The following ANGPT1 variants were observed in gnomAD, a reference collection of about 807,000 sequenced individuals.
ANGPT1 encodes angiopoietin-1.
A neutral mutation model predicts 62.2 loss-of-function variants in ANGPT1; 17 were observed. That is an observed-to-expected ratio of 0.27 (90% CI 0.19 to 0.41). The LOEUF is 0.41. Among genes scored for constraint, ANGPT1 ranks in the 10% least tolerant of loss-of-function variants. ANGPT1 has a pLI of 1.00. For synonymous variants in ANGPT1, 199 were observed against 198.9 expected, an observed-to-expected ratio of 1.00 and a Z score of 0.00; for missense variants, 478 against 594.9, an observed-to-expected ratio of 0.80 and a Z score of 2.04.
In ANGPT1 at chr8:107,264,218, T is replaced by C. The variant is rs900850123; in HGVS notation, c.1336+3A>G. 3.7e-6 allele frequency: 6 copies of C among 1,612,926 alleles called. No homozygotes were observed. The highest frequency in any genetic ancestry group is 3.3e-5 in the Admixed American group (2 of 59,868). ...GCTTAGAGAATGGCCCCATAGGACT[T>C]ACCTCCTGTTAACATGAGGGCACAT... On this transcript the variant is annotated splice_donor_region_variant and intron_variant, in intron 8 of 8. Transcript: ENST00000517746.
At chr8:107,465,150 T>C (rs1254041522) in intron 1 of ANGPT1, among the ~76,000 whole-genome samples, 1 of 152,096 alleles carries the variant, frequency 6.6e-6, no homozygotes, top group Non-Finnish European at 1.5e-5. Flanking sequence ...TGTATAAATA[T>C]ACAGAAGTAA....
At chr8:107,253,732 T>C (rs1388048639) in intron 8 of ANGPT1, among the ~76,000 whole-genome samples, 1 of 152,132 alleles carries the variant, frequency 6.6e-6, no homozygotes, top group African/African-American at 2.4e-5. Context: ...AAGACAGACG[T>C]CTGTTGCAAC....
At chr8:107,298,769 A>G (rs1212420346) in intron 5 of ANGPT1, among the ~76,000 whole-genome samples, 1 of 151,668 alleles carries the variant, frequency 6.6e-6, no homozygotes, top group Admixed American at 6.6e-5. Flanking sequence ...TAATAACCCT[A>G]GTTTATTTTT....
At chr8:107,407,719 T>C (rs1206688226) in intron 1 of ANGPT1, among the ~76,000 whole-genome samples, 1 of 152,198 alleles carries the variant, frequency 6.6e-6, no homozygotes. Flanking sequence ...TGTTTTTCTT[T>C]CCTCTCCCTC....
chr8:107,311,990 G>A (rs1442523706), intron 4 of ANGPT1, among the ~76,000 whole-genome samples: 2 of 151,710 alleles, frequency 1.3e-5, no homozygotes, highest in African/African-American at 2.4e-5. Context: ...AGTGAACCTG[G>A]GAGGCGGAGC....
intron 1 of ANGPT1, among the ~76,000 whole-genome samples, chr8:107,393,294 G>T (rs930023946): frequency 6.6e-6 from 1 of 152,108 alleles, no homozygotes; most frequent in Non-Finnish European, 1.5e-5. Context: ...GGCTTGAGAG[G>T]GGGAGAGGGG....
intron 5 of ANGPT1, among the ~76,000 whole-genome samples, chr8:107,297,867 A>T (rs1159815963): frequency 6.6e-6 from 1 of 151,656 alleles, no homozygotes. Flanking sequence ...AAAAAAAAAT[A>T]AAAGCCTATG....
intron 5 of ANGPT1, among the ~76,000 whole-genome samples, chr8:107,301,059 T>C (rs1319821001): frequency 3.3e-5 from 5 of 151,860 alleles, no homozygotes; most frequent in Non-Finnish European, 7.4e-5. Flanking sequence ...AGAGTGTAGT[T>C]GTGGTTATAT....
At chr8:107,385,785 A>G (rs1303166741) in intron 1 of ANGPT1, among the ~76,000 whole-genome samples, 1 of 151,926 alleles carries the variant, frequency 6.6e-6, no homozygotes, top group African/African-American at 2.4e-5. Context: ...ATGGCTTTTA[A>G]TATTTTAAGG....
At position 107,336,196 on chromosome 8, in the gene ANGPT1, G is replaced by T. The variant is rs1244538642; in HGVS notation, c.529C>A (p.Leu177Ile). Reference sequence around the variant, plus strand: ...AAGATTTCATTTGTCTGTTGAAGAAGTTGCTTCTCTAGCTTGTAGGTGGAT... The same window carrying T: ...AAGATTTCATTTGTCTGTTGAAGAATTTGCTTCTCTAGCTTGTAGGTGGAT... ...SLSTYKLEKQ[L>I]LQQTNEILKI... is the part of the protein sequence containing the mutation. The change falls in exon 3 of 9, where the codon CTT becomes ATT. Residue 177 changes from leucine to isoleucine, a missense_variant. By Grantham distance (5) the Leu-to-Ile change is conservative. This residue lies in a region of ANGPT1 where 343 missense variants were observed against 355.4 expected (regional missense o/e 0.97). Coordinates refer to ENST00000517746, the MANE Select transcript of ANGPT1 (RefSeq NM_001146.5). The T allele has an allele frequency of 5.0e-6, 8 of 1,609,344 alleles. No homozygotes were observed. In the Admixed American group the frequency reaches 5.1e-5, roughly 10 times the overall value.
intron 1 of ANGPT1, among the ~76,000 whole-genome samples, chr8:107,380,198 A>G (rs1452083538): frequency 6.6e-6 from 1 of 152,198 alleles, no homozygotes; most frequent in Non-Finnish European, 1.5e-5. Flanking sequence ...GAATGCCAAT[A>G]TCTAAAGTTT....
rs1335264497 is a variant in ANGPT1, at chr8:107,370,396, GAAAGAAA to G, written c.298-23306_298-23300del. ...AGAAAGAAAGAAAGAAAGAAAGAAAGAAAGAAAGAAAGAGTCAGGGTCAGTGGCTCAG... is the reference window on the plus strand; with the variant it reads ...AGAAAGAAAGAAAGAAAGAAAGAAAGGAAAGAGTCAGGGTCAGTGGCTCAG... On this transcript the variant is annotated intron_variant, in intron 1 of 8. Transcript: ENST00000517746. Among the ~76,000 whole-genome samples the G allele has an allele frequency of 9.2e-3, 575 of 62,276 alleles. 133 individuals carry two copies. Among genetic ancestry groups the G allele is most frequent in the African/African-American group, 0.021 (515 of 24,798 alleles). The allele number at this position is 62,276 out of a possible 152,430, so 40.9% of individuals were successfully genotyped here.
chr8:107,354,987 T>C (rs2130184908), intron 1 of ANGPT1, among the ~76,000 whole-genome samples: 1 of 151,438 alleles, frequency 6.6e-6, no homozygotes, highest in African/African-American at 2.4e-5. Flanking sequence ...CTCAGCTCGC[T>C]GCAACCTTCG....
At position 107,392,491 on chromosome 8, in the gene ANGPT1, A is replaced by T. The variant is rs545204640; in HGVS notation, c.298-45394T>A. ...ATCCATTGGGGTTACAGATTTACTG[A>T]GATCATGATGTTCTTGCCATTTGAT... On this transcript the variant is annotated intron_variant, in intron 1 of 8. Transcript: ENST00000517746. Among the ~76,000 whole-genome samples, 4 of 152,284 alleles carry T rather than the reference A, an allele frequency of 2.6e-5. No individual in the cohort carries two copies. The South Asian group carries it at 8.3e-4, about 32-fold the overall frequency.
At chr8:107,470,815 A>G (rs746501141) in intron 1 of ANGPT1, among the ~76,000 whole-genome samples, 1 of 152,206 alleles carries the variant, frequency 6.6e-6, no homozygotes, top group Non-Finnish European at 1.5e-5. Context: ...ATCACTGGTC[A>G]TTAGAGAAAT....
Position 107,396,583 on chromosome 8 carries a change from T to C in ANGPT1, c.298-49486A>G, listed in dbSNP as rs149821760. On this transcript the variant is annotated intron_variant, in intron 1 of 8. Coordinates refer to ENST00000517746, the MANE Select transcript of ANGPT1 (RefSeq NM_001146.5). Reference sequence around the variant, plus strand: ...GTCACCCAGGCTAGAGTGCACACCATGACCAAAACTCACTGCAGCCTCAAA... The same window carrying C: ...GTCACCCAGGCTAGAGTGCACACCACGACCAAAACTCACTGCAGCCTCAAA... 4.7e-5 allele frequency among the ~76,000 whole-genome samples: 6 copies of C among 128,088 alleles called. No individual in the cohort carries two copies. The East Asian group carries it at 1.6e-3, about 34-fold the overall frequency. The allele number at this position is 128,088 out of a possible 152,430, so 84.0% of individuals were successfully genotyped here.
chr8:107,459,823 A>G (rs899485552), intron 1 of ANGPT1, among the ~76,000 whole-genome samples: 2 of 152,210 alleles, frequency 1.3e-5, no homozygotes, highest in African/African-American at 4.8e-5. Context: ...AGACGCATCA[A>G]GTGAACAGCA....
At chr8:107,478,714 T>C (rs1021479651) in intron 1 of ANGPT1, among the ~76,000 whole-genome samples, 1 of 152,194 alleles carries the variant, frequency 6.6e-6, no homozygotes. Flanking sequence ...TCAATAGTTT[T>C]ATGTGCATGC....
intron 1 of ANGPT1, among the ~76,000 whole-genome samples, chr8:107,351,090 G>A (rs1448214413): frequency 6.6e-6 from 1 of 152,096 alleles, no homozygotes; most frequent in Admixed American, 6.6e-5. Context: ...CTGACCACAA[G>A]AGCTAATGAG....
Sources: allele counts gnomAD v4.1 joint callset (sites outside exome capture counted in the v4.1 genomes callset), GRCh38; gene constraint gnomAD v4.1.1; regional missense constraint gnomAD v4.1.1; transcripts MANE v1.5; gene names NCBI Gene and HGNC (gene_info 2026-07-23, HGNC 2026-07-21).